Variants in EPHA6 observed in about 807,000 individuals in gnomAD.
EPHA6 encodes ephrin type-A receptor 6.
A neutral mutation model predicts 112.0 loss-of-function variants in EPHA6; 50 were observed. That is an observed-to-expected ratio of 0.45 (90% CI 0.36 to 0.56). EPHA6 has a LOEUF of 0.56. Among genes scored for constraint, EPHA6 ranks in the 20% least tolerant of loss-of-function variants. The pLI is 0.00. For missense variants in EPHA6, 1,280 were observed against 1,417.4 expected (o/e 0.90, Z 1.56); for synonymous variants, 529 against 490.7 (o/e 1.08, Z -1.03).
Position 97,603,372 on chromosome 3 carries a change from T to C in EPHA6, c.2513-7421T>C, listed in dbSNP as rs887095025. 3.3e-5 allele frequency among the ~76,000 whole-genome samples: 5 copies of C among 152,006 alleles called. No individual in the cohort carries two copies. The South Asian group carries it at 6.2e-4, about 19-fold the overall frequency. ...CACCTTCCATTTACTCTAACAAATC[T>C]AGATTAAGAAATGTTACTATTTTCA... On this transcript the variant is annotated intron_variant, in intron 12 of 17. Transcript: ENST00000389672.
At chr3:97,214,253 G>A (rs2077968447) in intron 3 of EPHA6, among the ~76,000 whole-genome samples, 1 of 151,904 alleles carries the variant, frequency 6.6e-6, no homozygotes, top group Admixed American at 6.6e-5. Flanking sequence ...TGGCCAGGCT[G>A]GTCTCAAACT....
At chr3:97,152,695 C>T (rs944383696) in intron 3 of EPHA6, among the ~76,000 whole-genome samples, 2 of 152,014 alleles carry the variant, frequency 1.3e-5, no homozygotes, top group African/African-American at 4.8e-5. Context: ...ATTCTTAAAG[C>T]CAACAATGAG....
chr3:96,880,303 A>C (rs911284733), intron 2 of EPHA6, among the ~76,000 whole-genome samples: 1 of 152,106 alleles, frequency 6.6e-6, no homozygotes, highest in South Asian at 2.1e-4. Flanking sequence ...AAAGTTAATT[A>C]AAAAACCCAC....
intron 6 of EPHA6, among the ~76,000 whole-genome samples, chr3:97,429,893 A>G (rs1398367822): frequency 6.6e-6 from 1 of 152,186 alleles, no homozygotes; most frequent in Non-Finnish European, 1.5e-5. Context: ...GGTATACCAT[A>G]CAGATGCTGC....
intron 3 of EPHA6, among the ~76,000 whole-genome samples, chr3:97,135,546 T>A (rs984324791): frequency 6.6e-6 from 1 of 152,086 alleles, no homozygotes; most frequent in African/African-American, 2.4e-5. Flanking sequence ...TTAATACACA[T>A]TGTAAGAGTC....
chr3:96,815,321 T>TC (rs991663373), intron 1 of EPHA6, among the ~76,000 whole-genome samples: 2 of 152,094 alleles, frequency 1.3e-5, no homozygotes, highest in Admixed American at 1.3e-4. Context: ...GAAGTCAGGC[T>TC]CCGTGGCACA....
At chr3:97,368,642 T>C (rs2084878666) in intron 5 of EPHA6, among the ~76,000 whole-genome samples, 1 of 152,204 alleles carries the variant, frequency 6.6e-6, no homozygotes, top group African/African-American at 2.4e-5. Flanking sequence ...AATGAATGAA[T>C]TAATGAAATA....
chr3:97,552,196 T>C (rs752437325), intron 11 of EPHA6, among the ~76,000 whole-genome samples: 3 of 152,182 alleles, frequency 2.0e-5, no homozygotes, highest in Non-Finnish European at 2.9e-5. Context: ...GTTTATCAAA[T>C]GATGAAAGTT....
At chr3:97,169,946 A>G (rs2076647110) in intron 3 of EPHA6, among the ~76,000 whole-genome samples, 2 of 152,144 alleles carry the variant, frequency 1.3e-5, no homozygotes. Context: ...GGGGAACATC[A>G]CACAGTGGTG....
At chr3:96,891,027 G>A (rs1450422701) in intron 2 of EPHA6, among the ~76,000 whole-genome samples, 1 of 152,194 alleles carries the variant, frequency 6.6e-6, no homozygotes, top group Non-Finnish European at 1.5e-5. Context: ...AGGTTGCAGT[G>A]AGCTGAGAAC....
intron 3 of EPHA6, among the ~76,000 whole-genome samples, chr3:97,069,430 C>T (rs553002308): frequency 2.6e-5 from 4 of 152,196 alleles, no homozygotes; most frequent in South Asian, 2.1e-4. Context: ...AGTTGGCCTG[C>T]GCAGTTCAAA....
intron 5 of EPHA6, among the ~76,000 whole-genome samples, chr3:97,267,205 C>G (rs1034004190): frequency 6.6e-6 from 1 of 152,152 alleles, no homozygotes; most frequent in East Asian, 1.9e-4. Flanking sequence ...GCCACTTAAA[C>G]AAACCTAGTA....
At chr3:97,126,047 T>C (rs2048174458) in intron 3 of EPHA6, among the ~76,000 whole-genome samples, 1 of 152,170 alleles carries the variant, frequency 6.6e-6, no homozygotes, top group Non-Finnish European at 1.5e-5. Flanking sequence ...AGTATTCAAG[T>C]CTGTGATTAC....
chr3:97,140,548 A>T (rs560035089), intron 3 of EPHA6, among the ~76,000 whole-genome samples: 1 of 152,310 alleles, frequency 6.6e-6, no homozygotes, highest in African/African-American at 2.4e-5. Flanking sequence ...AAGACAAAAA[A>T]TGCCAGCCCA....
intron 3 of EPHA6, among the ~76,000 whole-genome samples, chr3:97,174,947 G>T (rs768771086): frequency 1.3e-5 from 2 of 151,682 alleles, no homozygotes; most frequent in African/African-American, 2.4e-5. Flanking sequence ...GTACGTGTGG[G>T]GTATTGCTCA....
intron 8 of EPHA6, among the ~76,000 whole-genome samples, chr3:97,476,279 A>T (rs4857261): frequency 0.21 from 31,662 of 152,062 alleles, 5,269 homozygotes; most frequent in African/African-American, 0.45. Flanking sequence ...TAGATATCAA[A>T]AGAGGCACAA....
chr3:97,708,525 CT>C (rs1319098637), intron 14 of EPHA6, among the ~76,000 whole-genome samples: 2 of 152,178 alleles, frequency 1.3e-5, no homozygotes, highest in Non-Finnish European at 2.9e-5. Flanking sequence ...GAAGCCTGAC[CT>C]TTTGGTAGAA....
intron 2 of EPHA6, among the ~76,000 whole-genome samples, chr3:96,871,291 A>T (rs933651914): frequency 6.6e-6 from 1 of 152,028 alleles, no homozygotes; most frequent in African/African-American, 2.4e-5. Flanking sequence ...GGACTTGATA[A>T]TAGTACTCAT....
At chr3:97,351,701 A>G (rs1343417073) in intron 5 of EPHA6, among the ~76,000 whole-genome samples, 19 of 152,196 alleles carry the variant, frequency 1.2e-4, no homozygotes, top group Admixed American at 1.2e-3. Flanking sequence ...GCTATCTAGG[A>G]TTAGAAAATA....
Sources: allele counts gnomAD v4.1 joint callset (sites outside exome capture counted in the v4.1 genomes callset), GRCh38; gene constraint gnomAD v4.1.1; transcripts MANE v1.5; gene names NCBI Gene and HGNC (gene_info 2026-07-23, HGNC 2026-07-21).